The following NEMP2 variants were observed in gnomAD, a reference collection of about 807,000 sequenced individuals.
NEMP2 encodes nuclear envelope integral membrane protein 2, also known as UPF0571 transmembrane protein.
NEMP2 carries 53 observed loss-of-function variants against 54.2 expected under a neutral mutation model. That is an observed-to-expected ratio of 0.98 (90% CI 0.78 to 1.23). NEMP2 has a LOEUF of 1.23. Ranked by LOEUF, NEMP2 falls within the 50% of genes most tolerant of loss-of-function variation. The probability of loss-of-function intolerance (pLI) is 0.00; values close to 1 mark genes in which losing one functional copy is unlikely to be tolerated. For synonymous variants in NEMP2, 197 were observed against 190.3 expected (o/e 1.04, Z -0.29); for missense variants, 455 against 511.3 (o/e 0.89, Z 1.06).
At chr2:190,432,019 T>C in the NEMP2 span, among the ~76,000 whole-genome samples, 1 of 152,222 alleles carries the variant, frequency 6.6e-6, no homozygotes, top group Non-Finnish European at 1.5e-5. Flanking sequence ...GGACTGATAG[T>C]GTTTCCTGTT....
rs768112291 is a variant in NEMP2 at position 190,518,931 on chromosome 2, G to A, written c.445+21C>T. On this transcript the variant is annotated intron_variant, in intron 3 of 8. Transcript: ENST00000409150. ...AGAAAAACTGAATCCAGAAAGTCAA[G>A]TATAATAAAATCGGACTTACTGTTT... 2.6e-5 allele frequency: 40 copies of A among 1,535,424 alleles called. 1 individual carries two copies. Among genetic ancestry groups the A allele is most frequent in the East Asian group, 1.5e-4 (6 of 40,812 alleles).
upstream of NEMP2, among the ~76,000 whole-genome samples, chr2:190,537,631 G>A (rs1005631191): frequency 1.3e-5 from 2 of 152,142 alleles, no homozygotes; most frequent in Non-Finnish European, 2.9e-5. Flanking sequence ...AGATGATTTA[G>A]GGTATCTGGT....
At chr2:190,440,751 A>G in the NEMP2 span, among the ~76,000 whole-genome samples, 1 of 152,342 alleles carries the variant, frequency 6.6e-6, no homozygotes, top group East Asian at 1.9e-4. Context: ...TTGCCATGCA[A>G]ATATTATCCG....
rs1186152156 is a variant in NEMP2, at chr2:190,513,084, T to A, written c.953+1369A>T. The stretch of plus-strand genomic sequence containing the variant: ...GACCACTGTGATGTCTGATAACTGT[T>A]CTCCTGCCACAGGGGCCTCCCCTTT... On this transcript the variant is annotated intron_variant, in intron 7 of 8. Transcript: ENST00000409150. This position sits in a 1 kb window ranked among gnomAD's most constrained non-coding sequence, Gnocchi z 5.3. 6.6e-6 allele frequency among the ~76,000 whole-genome samples: 1 copy of A among 152,080 alleles called. No homozygotes were observed. The highest frequency in any genetic ancestry group is 1.9e-4 in the East Asian group (1 of 5,186).
At chr2:190,631,235 G>T in the NEMP2 span, among the ~76,000 whole-genome samples, 1 of 152,116 alleles carries the variant, frequency 6.6e-6, no homozygotes, top group African/African-American at 2.4e-5. Context: ...TCCAACCAAA[G>T]GAAATAGATT....
At chr2:190,648,610 C>T in the NEMP2 span, 1 of 150,068 alleles carries the variant, frequency 6.7e-6, no homozygotes, top group African/African-American at 2.4e-5. Flanking sequence ...GAACCTCACA[C>T]ATAATTTTTT....
the NEMP2 span, chr2:190,646,851 T>C: frequency 6.6e-6 from 1 of 152,226 alleles, no homozygotes; most frequent in African/African-American, 2.4e-5. Flanking sequence ...GAAGGCTCAA[T>C]AGTTCAGGTA....
At chr2:190,630,182 T>A in the NEMP2 span, among the ~76,000 whole-genome samples, 1 of 152,242 alleles carries the variant, frequency 6.6e-6, no homozygotes, top group East Asian at 1.9e-4. This position sits in a 1 kb window ranked among gnomAD's most constrained non-coding sequence, Gnocchi z 5.5. Flanking sequence ...CAAAGAGTTC[T>A]CCACCACAAC....
the NEMP2 span, among the ~76,000 whole-genome samples, chr2:190,442,317 A>C: frequency 6.6e-6 from 1 of 152,164 alleles, no homozygotes; most frequent in Non-Finnish European, 1.5e-5. Context: ...AGTAAGATGC[A>C]GGGGCTGAAT....
At chr2:190,618,752 G>T in the NEMP2 span, among the ~76,000 whole-genome samples, 1 of 152,058 alleles carries the variant, frequency 6.6e-6, no homozygotes, top group Admixed American at 6.5e-5. Context: ...AGTAGTTTTT[G>T]ATTTTTAATA....
chr2:190,497,570 A>G, the NEMP2 span: 1 of 1,614,060 alleles, frequency 6.2e-7, no homozygotes, highest in Non-Finnish European at 8.5e-7. The surrounding 1 kb of genome is among the most constrained non-coding windows in gnomAD (Gnocchi z 5.2). Flanking sequence ...CAAGAAAACT[A>G]AGCACCAGGA....
At chr2:190,591,092 A>G in the NEMP2 span, among the ~76,000 whole-genome samples, 1 of 152,182 alleles carries the variant, frequency 6.6e-6, no homozygotes, top group South Asian at 2.1e-4. The surrounding 1 kb of genome is among the most constrained non-coding windows in gnomAD (Gnocchi z 5.4). Flanking sequence ...TGACAAAAAA[A>G]GGAAATAAGT....
the NEMP2 span, chr2:190,497,754 G>A: frequency 4.4e-6 from 7 of 1,584,154 alleles, no homozygotes; most frequent in Non-Finnish European, 5.2e-6. This position sits in a 1 kb window ranked among gnomAD's most constrained non-coding sequence, Gnocchi z 5.2. Context: ...AATATTACCT[G>A]TCACTCAAGA....
chr2:190,556,926 A>G, the NEMP2 span, among the ~76,000 whole-genome samples: 1 of 152,252 alleles, frequency 6.6e-6, no homozygotes, highest in Non-Finnish European at 1.5e-5. Context: ...ATTCAATGCT[A>G]TCCCCATCAA....
the NEMP2 span, among the ~76,000 whole-genome samples, chr2:190,439,344 A>G: frequency 6.6e-5 from 10 of 151,334 alleles, no homozygotes; most frequent in African/African-American, 2.4e-5. The surrounding 1 kb of genome is among the most constrained non-coding windows in gnomAD (Gnocchi z 5.8). Flanking sequence ...TTTAGGTTCT[A>G]TTTTCTTTTT....
chr2:190,628,362 C>T, the NEMP2 span: 2 of 152,188 alleles, frequency 1.3e-5, no homozygotes, highest in African/African-American at 4.8e-5. The surrounding 1 kb of genome is among the most constrained non-coding windows in gnomAD (Gnocchi z 4.1). Context: ...TGGAGGACGC[C>T]TGTTACTGCT....
At chr2:190,498,497 TGTTA>T in the NEMP2 span, among the ~76,000 whole-genome samples, 6 of 152,256 alleles carry the variant, frequency 3.9e-5, no homozygotes, top group African/African-American at 1.4e-4. The surrounding 1 kb of genome is among the most constrained non-coding windows in gnomAD (Gnocchi z 5.9). Flanking sequence ...TTTGTTGAAC[TGTTA>T]ATTAATCTCA....
the NEMP2 span, among the ~76,000 whole-genome samples, chr2:190,643,023 G>GTTTTT: frequency 2.2e-3 from 176 of 79,514 alleles, 8 homozygotes; most frequent in African/African-American, 4.2e-3. Flanking sequence ...AATGGTTAAG[G>GTTTTT]TTTTTTTTTT....
the NEMP2 span, among the ~76,000 whole-genome samples, chr2:190,479,617 C>A: frequency 6.6e-6 from 1 of 152,130 alleles, no homozygotes. Context: ...GGTTGCAAAT[C>A]CTTGCAAAAC....
Sources: allele counts gnomAD v4.1 joint callset (sites outside exome capture counted in the v4.1 genomes callset), GRCh38; gene constraint gnomAD v4.1.1; non-coding constraint Gnocchi (gnomAD v3.1); transcripts MANE v1.5; gene names NCBI Gene and HGNC (gene_info 2026-07-23, HGNC 2026-07-21).